KDELR2: variants seen among roughly 807,000 people sequenced by gnomAD.
KDELR2 encodes KDEL endoplasmic reticulum protein retention receptor 2, also known as ER lumen protein-retaining receptor 2.
Under a neutral mutation model 23.9 loss-of-function variants are expected in KDELR2, and 15 were observed. The observed-to-expected ratio is 0.63, with a 90% CI of 0.42 to 0.97. The LOEUF (loss-of-function observed/expected upper bound fraction) is 0.97, where lower values mean the gene tolerates loss of function less well. Ranked by LOEUF, KDELR2 falls within the 50% of genes least tolerant of loss-of-function variation. KDELR2 has a pLI of 0.00. For missense variants in KDELR2, 272 were observed against 254.6 expected, an observed-to-expected ratio of 1.07 and a Z score of -0.46; for synonymous variants, 119 against 106.2, an observed-to-expected ratio of 1.12 and a Z score of -0.74.
At chr7:6,474,902 C>T (rs1785722830) in intron 1 of KDELR2, among the ~76,000 whole-genome samples, 1 of 152,140 alleles carries the variant, frequency 6.6e-6, no homozygotes, top group African/African-American at 2.4e-5. Context: ...CTTCCCAAAG[C>T]GTTGGCATTA....
intron 2 of KDELR2, among the ~76,000 whole-genome samples, chr7:6,471,089 C>T (rs1470301085): frequency 1.4e-5 from 2 of 146,974 alleles, no homozygotes; most frequent in Non-Finnish European, 3.0e-5. Flanking sequence ...TGCACTCCAG[C>T]CTGGGTGACA....
intron 1 of KDELR2, among the ~76,000 whole-genome samples, chr7:6,477,718 T>C (rs777016799): frequency 6.6e-6 from 1 of 152,228 alleles, no homozygotes; most frequent in Non-Finnish European, 1.5e-5. Flanking sequence ...TGGAGTAGAC[T>C]GGTGCAATCA....
At position 6,482,868 on chromosome 7, in the gene KDELR2, G is replaced by A. The variant is rs182775513; in HGVS notation, c.91+1099C>T. On this transcript the variant is annotated intron_variant, in intron 1 of 4. Transcript: ENST00000258739. ...AAAAAAAAAAAAGTTAGCCAGGCAT[G>A]GTGGTGCACGCATGGAGTCCCAGCT... Among the ~76,000 whole-genome samples the A allele has an allele frequency of 4.0e-3, 609 of 151,068 alleles. 1 individual carries two copies. Among genetic ancestry groups the A allele is most frequent in the Non-Finnish European group, 5.8e-3 (391 of 67,798 alleles).
chr7:6,469,822 T>A (rs1345367203), intron 2 of KDELR2, 68 bp from the exon 3 acceptor site: 7 of 1,366,822 alleles, frequency 5.1e-6, no homozygotes, highest in East Asian at 5.0e-5. Flanking sequence ...CCAGCTTTTT[T>A]AATCACCCAT....
At chr7:6,471,741 C>A (rs1785647757) in intron 2 of KDELR2, among the ~76,000 whole-genome samples, 1 of 152,122 alleles carries the variant, frequency 6.6e-6, no homozygotes, top group Non-Finnish European at 1.5e-5. Flanking sequence ...TTTGTTTATT[C>A]ACTCACCAGT....
Position 6,461,795 on chromosome 7 carries a change from C to T in KDELR2, c.*1346G>A, listed in dbSNP as rs1368621188. 1 of 151,858 alleles carries T rather than the reference C, an allele frequency of 6.6e-6. No individual in the cohort carries two copies. Among genetic ancestry groups the T allele is most frequent in the Non-Finnish European group, 1.5e-5 (1 of 68,002 alleles). The allele number at this position is 151,858 out of a possible 1,614,324, so 9.4% of individuals were successfully genotyped here. A position where few individuals can be genotyped will look rare whatever the true frequency, so the allele number is the denominator to read the frequency against. On this transcript the variant is annotated 3_prime_UTR_variant, in exon 5 of 5. Transcript: ENST00000258739. Reference sequence around the variant, plus strand: ...ACACTTTAATATTTATGGTGTATCACATAAAAAACAAAGTCATATACTTTT... The same window carrying T: ...ACACTTTAATATTTATGGTGTATCATATAAAAAACAAAGTCATATACTTTT...
At chr7:6,477,899 A>T (rs1332630423) in intron 1 of KDELR2, among the ~76,000 whole-genome samples, 3 of 152,242 alleles carry the variant, frequency 2.0e-5, no homozygotes, top group African/African-American at 7.2e-5. Flanking sequence ...ATCAAACTGT[A>T]CCCCATAAAT....
chr7:6,468,893 G>A (rs1227859411), intron 3 of KDELR2, among the ~76,000 whole-genome samples: 2 of 151,894 alleles, frequency 1.3e-5, no homozygotes, highest in South Asian at 2.1e-4. Context: ...TGCCCACCTC[G>A]GCCTCCCAAA....
chr7:6,471,255 C>T (rs1313564033), intron 2 of KDELR2, among the ~76,000 whole-genome samples: 3 of 131,556 alleles, frequency 2.3e-5, no homozygotes, highest in Admixed American at 8.5e-5. Context: ...AATCTCGGCT[C>T]ACTGCAACCT....
intron 4 of KDELR2, among the ~76,000 whole-genome samples, chr7:6,464,208 A>T (rs1358717688): frequency 1.4e-3 from 28 of 20,248 alleles, no homozygotes; most frequent in African/African-American, 4.3e-3. Context: ...AAAAAAAAAA[A>T]AAAAAAAAAA....
At chr7:6,483,364 G>A (rs1162182854) in intron 1 of KDELR2, among the ~76,000 whole-genome samples, 1 of 45,790 alleles carries the variant, frequency 2.2e-5, no homozygotes, top group Non-Finnish European at 9.6e-5. Context: ...TGGACCCAAG[G>A]GCTTGGGTGA....
At chr7:6,469,853 T>A in intron 2 of KDELR2, 99 bp from the exon 3 acceptor site, 1 of 1,043,866 alleles carries the variant, frequency 9.6e-7, no homozygotes, top group Non-Finnish European at 1.3e-6. Context: ...AGGCAAGATT[T>A]TTTTCCTTAG....
intron 3 of KDELR2, among the ~76,000 whole-genome samples, chr7:6,466,810 C>G (rs935915235): frequency 1.3e-5 from 2 of 151,870 alleles, no homozygotes; most frequent in African/African-American, 4.8e-5. Context: ...GGCTCATGCT[C>G]CTATGAGAAT....
intron 3 of KDELR2, among the ~76,000 whole-genome samples, chr7:6,469,252 A>G (rs1329310602): frequency 1.3e-5 from 2 of 150,472 alleles, no homozygotes; most frequent in Admixed American, 6.6e-5. Context: ...ACGCCCAGCC[A>G]TAACCTCTTT....
Position 6,484,061 on chromosome 7 carries a change from GGCGGCGGCGGTGGCGGTCGGCGCAGC to G in KDELR2, c.-30_-5del. 2.7e-6 allele frequency: 4 copies of G among 1,494,984 alleles called. No homozygotes were observed. The highest frequency in any genetic ancestry group is 1.3e-5 in the South Asian group (1 of 79,768). The allele number at this position is 1,494,984 out of a possible 1,614,324, so 92.6% of individuals were successfully genotyped here. On this transcript the variant is annotated 5_prime_UTR_variant, in exon 1 of 5. Coordinates refer to ENST00000258739, the MANE Select transcript of KDELR2 (RefSeq NM_006854.4). ...CAGTCAGCCGGAAAATGTTCATGGCGGCGGCGGCGGTGGCGGTCGGCGCAGCGCGGCGGCCCCGGGGCTGGGCGGCT... is the reference window on the plus strand; with the variant it reads ...CAGTCAGCCGGAAAATGTTCATGGCGGCGGCGGCCCCGGGGCTGGGCGGCT...
chr7:6,464,687 C>CA (rs1383842343), intron 4 of KDELR2, among the ~76,000 whole-genome samples: 7 of 143,784 alleles, frequency 4.9e-5, no homozygotes, highest in African/African-American at 1.0e-4. Context: ...GACTCGGTCT[C>CA]AAAAAAAACA....
chr7:6,466,051 G>A lies in KDELR2; in HGVS notation c.604+20C>T, dbSNP rs373807108. On this transcript the variant is annotated intron_variant, in intron 4 of 4. Transcript: ENST00000258739. ...AAGAACACGTCACTCTAGAAACAAC[G>A]CAGGTCGCACCCAACATACCTTTTG... 25 of 1,611,390 alleles carry A rather than the reference G, an allele frequency of 1.6e-5. No homozygotes were observed. Among genetic ancestry groups the A allele is most frequent in the East Asian group, 6.7e-5 (3 of 44,860 alleles).
intron 4 of KDELR2, among the ~76,000 whole-genome samples, chr7:6,463,753 T>TAAAA (rs147990504): frequency 8.5e-6 from 1 of 117,440 alleles, no homozygotes; most frequent in Admixed American, 8.8e-5. Context: ...TTTAAAAAGA[T>TAAAA]AAAAAAAAAA....
chr7:6,465,246 C>T (rs941816191), intron 4 of KDELR2, among the ~76,000 whole-genome samples: 2 of 148,506 alleles, frequency 1.3e-5, no homozygotes, highest in South Asian at 2.1e-4. Flanking sequence ...TGCAGTGGCG[C>T]GATCTGGGCT....
Sources: gnomAD v4.1 joint callset for allele counts (sites outside exome capture counted in the v4.1 genomes callset) on GRCh38, gnomAD v4.1.1 for gene constraint, MANE v1.5 for transcripts, NCBI Gene and HGNC (gene_info 2026-07-23, HGNC 2026-07-21) for gene names.